The following PDE3A variants were observed in gnomAD, a reference collection of about 807,000 sequenced individuals.
PDE3A encodes phosphodiesterase 3A, also known as cGMP-inhibited 3',5'-cyclic phosphodiesterase 3A.
In PDE3A, 43 loss-of-function variants were observed where a neutral mutation model predicts 98.3. The ratio of observed to expected loss-of-function variants is 0.44; its 90% CI spans 0.34 to 0.56. The LOEUF (loss-of-function observed/expected upper bound fraction) is 0.56, where lower values mean the gene tolerates loss of function less well. Among genes scored for constraint, PDE3A ranks in the 20% least tolerant of loss-of-function variants. PDE3A has a pLI of 0.01. For missense variants in PDE3A, 1,427 were observed against 1,440.7 expected (o/e 0.99, Z 0.15); for synonymous variants, 663 against 567.9 (o/e 1.17, Z -2.38).
At chr12:20,432,347 G>T (rs1249444987) in intron 1 of PDE3A, among the ~76,000 whole-genome samples, 1 of 152,100 alleles carries the variant, frequency 6.6e-6, no homozygotes, top group Non-Finnish European at 1.5e-5. Context: ...ATACAGTTTT[G>T]GTTATGCAAG....
intron 1 of PDE3A, among the ~76,000 whole-genome samples, chr12:20,456,722 G>A (rs1232446816): frequency 6.6e-6 from 1 of 152,076 alleles, no homozygotes; most frequent in Admixed American, 6.6e-5. Context: ...CTAGTGATTT[G>A]GTTATTTCAG....
chr12:20,598,507 G>T (rs1172717042), intron 2 of PDE3A, among the ~76,000 whole-genome samples: 1 of 152,088 alleles, frequency 6.6e-6, no homozygotes, highest in Non-Finnish European at 1.5e-5. Context: ...CATTTATGAG[G>T]TGTTTAATGT....
chr12:20,526,974 A>G (rs1946535758), intron 1 of PDE3A, among the ~76,000 whole-genome samples: 1 of 148,698 alleles, frequency 6.7e-6, no homozygotes, highest in African/African-American at 2.5e-5. Flanking sequence ...GCTGGAGTGC[A>G]ATGGCGCGAT....
chr12:20,677,589 A>G (rs899036245), intron 15 of PDE3A, among the ~76,000 whole-genome samples: 2 of 152,040 alleles, frequency 1.3e-5, no homozygotes, highest in African/African-American at 4.8e-5. Flanking sequence ...CCTTCCAAGT[A>G]GCTGGGATTA....
At chr12:20,642,489 T>C (rs1361331018) in intron 10 of PDE3A, among the ~76,000 whole-genome samples, 1 of 152,182 alleles carries the variant, frequency 6.6e-6, no homozygotes, top group Admixed American at 6.6e-5. Context: ...CATAGTCCCT[T>C]TCAGTTGGGC....
chr12:20,546,327 T>C (rs529934872), intron 1 of PDE3A, among the ~76,000 whole-genome samples: 18 of 151,848 alleles, frequency 1.2e-4, no homozygotes, highest in Admixed American at 2.6e-4. Flanking sequence ...CAAGGTAATT[T>C]TGACATTCTT....
intron 1 of PDE3A, among the ~76,000 whole-genome samples, chr12:20,500,985 C>G (rs1013936477): frequency 6.6e-6 from 1 of 151,966 alleles, no homozygotes; most frequent in Non-Finnish European, 1.5e-5. Flanking sequence ...CCAGGCTGGC[C>G]CTGAACTCCT....
intron 1 of PDE3A, among the ~76,000 whole-genome samples, chr12:20,545,532 A>G (rs1290411474): frequency 2.6e-5 from 4 of 152,056 alleles, no homozygotes; most frequent in Non-Finnish European, 4.4e-5. Flanking sequence ...TCACAATGCT[A>G]TATATCAGGC....
intron 1 of PDE3A, among the ~76,000 whole-genome samples, chr12:20,411,319 C>T (rs1944328643): frequency 6.6e-6 from 1 of 152,138 alleles, no homozygotes. Flanking sequence ...TTTACCAAGC[C>T]TCTGGTAGCC....
At chr12:20,667,617 AT>A (rs1170716498) in intron 15 of PDE3A, among the ~76,000 whole-genome samples, 1 of 152,068 alleles carries the variant, frequency 6.6e-6, no homozygotes, top group African/African-American at 2.4e-5. Context: ...TCTATGTTTT[AT>A]TGGTCTATAT....
At chr12:20,537,263 T>C (rs146349719) in intron 1 of PDE3A, among the ~76,000 whole-genome samples, 2 of 152,226 alleles carry the variant, frequency 1.3e-5, no homozygotes, top group Non-Finnish European at 2.9e-5. Context: ...CTTTTCATTA[T>C]TGAAGTTTAA....
chr12:20,624,048 A>G (rs1944201684), intron 5 of PDE3A, among the ~76,000 whole-genome samples: 1 of 152,166 alleles, frequency 6.6e-6, no homozygotes, highest in Non-Finnish European at 1.5e-5. Flanking sequence ...AAGTGTTCTA[A>G]ATCCATGTGT....
At chr12:20,632,902 A>G (rs1362818437) in intron 6 of PDE3A, among the ~76,000 whole-genome samples, 1 of 152,014 alleles carries the variant, frequency 6.6e-6, no homozygotes, top group Non-Finnish European at 1.5e-5. Context: ...CTGTTTAGAC[A>G]TAAAAATATC....
At chr12:20,521,164 G>A (rs1173206082) in intron 1 of PDE3A, among the ~76,000 whole-genome samples, 1 of 145,920 alleles carries the variant, frequency 6.9e-6, no homozygotes, top group Non-Finnish European at 1.5e-5. Flanking sequence ...TCTTGGGGTT[G>A]TAAGAATCAG....
intron 1 of PDE3A, among the ~76,000 whole-genome samples, chr12:20,468,225 G>A (rs11045268): frequency 1.3e-5 from 2 of 152,012 alleles, no homozygotes; most frequent in Non-Finnish European, 1.5e-5. Context: ...AGCTGTCTCA[G>A]AATCATGCTT....
Position 20,370,089 on chromosome 12 carries a change from G to A in PDE3A, c.805G>A (p.Glu269Lys), listed in dbSNP as rs145523697. Residue 269 changes from glutamate to lysine, a missense_variant, in exon 1 of 16, where the codon GAG becomes AAG. By Grantham distance (56) the Glu-to-Lys change is moderately conservative. Coordinates refer to ENST00000359062, the MANE Select transcript of PDE3A (RefSeq NM_000921.5). ...GCAGTCCGCGGAGGCGGCTCCAAGGGAGCATTTGGGGTCCCAGCTGATTGC... is the reference window on the plus strand; with the variant it reads ...GCAGTCCGCGGAGGCGGCTCCAAGGAAGCATTTGGGGTCCCAGCTGATTGC... ...LPQSAEAAPR[E>K]HLGSQLIAGT... 11 of 1,613,256 alleles carry A rather than the reference G, an allele frequency of 6.8e-6. No homozygotes were observed. The highest frequency in any genetic ancestry group is 1.7e-5 in the Admixed American group (1 of 60,004).
chr12:20,370,832 G>C (rs1943459966), intron 1 of PDE3A, among the ~76,000 whole-genome samples: 1 of 152,102 alleles, frequency 6.6e-6, no homozygotes, highest in Non-Finnish European at 1.5e-5. Context: ...GCAGCTGATG[G>C]TGCCCAATTT....
chr12:20,595,268 T>G (rs1943437964), intron 2 of PDE3A, among the ~76,000 whole-genome samples: 1 of 152,072 alleles, frequency 6.6e-6, no homozygotes, highest in African/African-American at 2.4e-5. Flanking sequence ...GCAACAAACT[T>G]TCTTCTGAAG....
rs546871938 is a variant in PDE3A, at chr12:20,369,226, G to T, written c.-59G>T. 7.5e-4 allele frequency: 987 copies of T among 1,320,636 alleles called. 12 individuals carry two copies. Among genetic ancestry groups the T allele is most frequent in the South Asian group, 6.9e-3 (465 of 67,822 alleles). 81.8% of individuals were successfully genotyped at this position (1,320,636 alleles called of 1,614,324 possible). ...GTGTGTGTGTGCGCGCGCGCGCGTGGGTCGGGGCGGGGGCGTCGGGGGGCC... is the reference window on the plus strand; with the variant it reads ...GTGTGTGTGTGCGCGCGCGCGCGTGTGTCGGGGCGGGGGCGTCGGGGGGCC... On this transcript the variant is annotated 5_prime_UTR_variant, in exon 1 of 16. Coordinates refer to ENST00000359062, the MANE Select transcript of PDE3A (RefSeq NM_000921.5).
Sources: gnomAD v4.1 joint callset for allele counts (sites outside exome capture counted in the v4.1 genomes callset) on GRCh38, gnomAD v4.1.1 for gene constraint, MANE v1.5 for transcripts, NCBI Gene and HGNC (gene_info 2026-07-23, HGNC 2026-07-21) for gene names.